CNTN4: variants seen among roughly 807,000 people sequenced by gnomAD.
CNTN4 encodes contactin 4, also known as contactin-4.
A neutral mutation model predicts 122.5 loss-of-function variants in CNTN4; 77 were observed. The ratio of observed to expected loss-of-function variants is 0.63; its 90% CI spans 0.52 to 0.76. The LOEUF is 0.76. CNTN4 is among the 30% of genes least tolerant of loss of function. The pLI is 0.00. For missense variants in CNTN4, 1,256 were observed against 1,259.1 expected (o/e 1.00, Z 0.04); for synonymous variants, 512 against 447.0 (o/e 1.15, Z -1.83).
In CNTN4 at chr3:2,188,270, A is replaced by G. The variant is rs1260108883; in HGVS notation, c.-145+87631A>G. The stretch of plus-strand genomic sequence containing the variant: ...CCTTTCCATTGAGAGGTCCCTAATA[A>G]TTTATCTTTAGGCTGCATCAGCAAG... On this transcript the variant is annotated intron_variant, in intron 2 of 24. Transcript: ENST00000418658. Among the ~76,000 whole-genome samples the G allele has an allele frequency of 2.6e-5, 4 of 152,078 alleles. No individual in the cohort carries two copies. In the East Asian group the frequency reaches 7.7e-4, roughly 29 times the overall value.
At chr3:2,668,221 G>T (rs1156897074) in intron 4 of CNTN4, among the ~76,000 whole-genome samples, 8 of 152,046 alleles carry the variant, frequency 5.3e-5, no homozygotes, top group Admixed American at 1.3e-4. Context: ...TTCCTACCCT[G>T]GAGCATGGAA....
At chr3:2,936,800 TAAATC>T (rs1307088934) in intron 13 of CNTN4, among the ~76,000 whole-genome samples, 1 of 152,166 alleles carries the variant, frequency 6.6e-6, no homozygotes, top group African/African-American at 2.4e-5. Flanking sequence ...TGGTAGGAAA[TAAATC>T]AAAAGAAAAA....
intron 2 of CNTN4, among the ~76,000 whole-genome samples, chr3:2,194,757 T>C (rs1323937093): frequency 1.3e-5 from 2 of 152,096 alleles, no homozygotes; most frequent in East Asian, 3.9e-4. Flanking sequence ...ATATTGGAGT[T>C]ATGGAGCTGC....
chr3:2,532,368 C>T (rs1014327389), intron 3 of CNTN4, among the ~76,000 whole-genome samples: 2 of 152,070 alleles, frequency 1.3e-5, no homozygotes, highest in Non-Finnish European at 2.9e-5. Flanking sequence ...GGACCTCCTC[C>T]CTCAGCCTCC....
At chr3:2,926,707 T>G (rs1276085039) in intron 13 of CNTN4, among the ~76,000 whole-genome samples, 1 of 152,222 alleles carries the variant, frequency 6.6e-6, no homozygotes, top group Non-Finnish European at 1.5e-5. Flanking sequence ...TGCATATACA[T>G]ATTAGACCTG....
intron 3 of CNTN4, among the ~76,000 whole-genome samples, chr3:2,495,619 G>A (rs2076432646): frequency 6.6e-6 from 1 of 152,214 alleles, no homozygotes; most frequent in Non-Finnish European, 1.5e-5. Context: ...TATCAGGTCA[G>A]TGGCAGCATT....
intron 2 of CNTN4, among the ~76,000 whole-genome samples, chr3:2,130,225 G>A (rs978667069): frequency 1.3e-5 from 2 of 152,106 alleles, no homozygotes; most frequent in African/African-American, 4.8e-5. Flanking sequence ...TTCTTCTGAA[G>A]TTAAAATTTA....
At chr3:2,506,448 AAATGCATAG>A (rs1334232948) in intron 3 of CNTN4, among the ~76,000 whole-genome samples, 1 of 152,230 alleles carries the variant, frequency 6.6e-6, no homozygotes, top group East Asian at 1.9e-4. Flanking sequence ...GATACCATAT[AAATGCATAG>A]AAGTCTATAA....
intron 4 of CNTN4, among the ~76,000 whole-genome samples, chr3:2,608,975 C>A (rs1054979624): frequency 1.3e-5 from 2 of 152,190 alleles, no homozygotes; most frequent in African/African-American, 4.8e-5. Context: ...CTCCTTTCAT[C>A]TTCTCTGGAG....
intron 3 of CNTN4, among the ~76,000 whole-genome samples, chr3:2,364,422 G>A (rs556620754): frequency 6.6e-6 from 1 of 152,108 alleles, no homozygotes; most frequent in African/African-American, 2.4e-5. Flanking sequence ...GACCCCTAAG[G>A]GTTGGCACAG....
chr3:2,480,988 G>A (rs1410403894), intron 3 of CNTN4, among the ~76,000 whole-genome samples: 2 of 144,978 alleles, frequency 1.4e-5, no homozygotes, highest in East Asian at 4.2e-4. Flanking sequence ...ATAAAATGAA[G>A]AAAAGATAGT....
intron 10 of CNTN4, among the ~76,000 whole-genome samples, chr3:2,895,871 A>G (rs1319910881): frequency 6.6e-6 from 1 of 152,116 alleles, no homozygotes; most frequent in Non-Finnish European, 1.5e-5. Context: ...CGTCTCTACT[A>G]AAAATACAAA....
intron 3 of CNTN4, among the ~76,000 whole-genome samples, chr3:2,355,177 C>G (rs976912910): frequency 6.6e-6 from 1 of 152,160 alleles, no homozygotes; most frequent in Non-Finnish European, 1.5e-5. Context: ...AACTTCTGAC[C>G]TGTGTCAAAG....
chr3:2,890,616 G>T (rs1488462111), intron 10 of CNTN4, among the ~76,000 whole-genome samples: 2 of 152,072 alleles, frequency 1.3e-5, no homozygotes, highest in Non-Finnish European at 2.9e-5. Flanking sequence ...AAACCATTTT[G>T]CATTAAAACC....
chr3:2,147,349 G>C (rs2125380674), intron 2 of CNTN4, among the ~76,000 whole-genome samples: 1 of 150,224 alleles, frequency 6.7e-6, no homozygotes, highest in East Asian at 1.9e-4. Context: ...TCATATCTTG[G>C]ACTAAAAAAT....
chr3:2,966,880 T>G (rs1212289287), intron 13 of CNTN4, among the ~76,000 whole-genome samples: 4 of 152,246 alleles, frequency 2.6e-5, no homozygotes, highest in Non-Finnish European at 5.9e-5. Context: ...CTAAAATGTC[T>G]GAGCTTTGAC....
intron 2 of CNTN4, among the ~76,000 whole-genome samples, chr3:2,302,143 G>C (rs565080550): frequency 6.6e-6 from 1 of 152,058 alleles, no homozygotes; most frequent in Non-Finnish European, 1.5e-5. Flanking sequence ...ATAAAACTTA[G>C]AATTGGGCTG....
chr3:2,794,045 C>T (rs980093746), intron 6 of CNTN4, among the ~76,000 whole-genome samples: 1 of 152,246 alleles, frequency 6.6e-6, no homozygotes. Context: ...ATAAAGTTTA[C>T]AGCATAAGGA....
intron 5 of CNTN4, among the ~76,000 whole-genome samples, chr3:2,744,468 C>A (rs2089646972): frequency 6.6e-6 from 1 of 152,162 alleles, no homozygotes; most frequent in Admixed American, 6.5e-5. Context: ...GGATTTGGAT[C>A]AGTTTTGTTT....
Sources: allele counts gnomAD v4.1 joint callset (sites outside exome capture counted in the v4.1 genomes callset), GRCh38; gene constraint gnomAD v4.1.1; transcripts MANE v1.5; gene names NCBI Gene and HGNC (gene_info 2026-07-23, HGNC 2026-07-21).